Variants in KCNMA1 observed in about 807,000 individuals in gnomAD.
The protein encoded by KCNMA1 is potassium calcium-activated channel subfamily M alpha 1.
In KCNMA1, 29 loss-of-function variants were observed where a neutral mutation model predicts 140.0. The ratio of observed to expected loss-of-function variants is 0.21; its 90% CI spans 0.15 to 0.28. The LOEUF (loss-of-function observed/expected upper bound fraction) is 0.28, where lower values mean the gene tolerates loss of function less well. Ranked by LOEUF, KCNMA1 falls within the 10% of genes least tolerant of loss-of-function variation. The pLI is 1.00. For missense variants in KCNMA1, 880 were observed against 1,602.2 expected (o/e 0.55, Z 7.70); for synonymous variants, 612 against 611.9 (o/e 1.00, Z 0.00).
intron 1 of KCNMA1, among the ~76,000 whole-genome samples, chr10:77,597,935 G>T (rs1306815961): frequency 6.6e-6 from 1 of 152,116 alleles, no homozygotes; most frequent in African/African-American, 2.4e-5. Flanking sequence ...CTTATCATTG[G>T]CTGCATTCAC....
intron 1 of KCNMA1, among the ~76,000 whole-genome samples, chr10:77,556,094 T>A (rs35981703): frequency 0.16 from 23,764 of 152,148 alleles, 2,170 homozygotes; most frequent in Middle Eastern, 0.24. Flanking sequence ...TCCGGTCAGT[T>A]CCCCTTTCTG....
chr10:77,213,502 G>C (rs1598890368), intron 3 of KCNMA1, among the ~76,000 whole-genome samples: 1 of 152,206 alleles, frequency 6.6e-6, no homozygotes, highest in East Asian at 1.9e-4. Flanking sequence ...CTGCATGTCA[G>C]TTTTAAGTTT....
intron 1 of KCNMA1, among the ~76,000 whole-genome samples, chr10:77,496,836 C>T (rs991053471): frequency 1.3e-5 from 2 of 152,142 alleles, no homozygotes; most frequent in Admixed American, 1.3e-4. Flanking sequence ...CTGCTGTCAC[C>T]TGGCTGTCTT....
At chr10:77,215,367 C>CTGTTTTGTTTTGTTT (rs71028261) in intron 3 of KCNMA1, among the ~76,000 whole-genome samples, 76 of 147,582 alleles carry the variant, frequency 5.1e-4, no homozygotes, top group Non-Finnish European at 6.8e-4. Context: ...CAGATTGCAC[C>CTGTTTTGTTTTGTTT]TGTTTTGTTT....
At chr10:77,177,615 T>C (rs771217731) in intron 5 of KCNMA1, among the ~76,000 whole-genome samples, 5 of 151,976 alleles carry the variant, frequency 3.3e-5, no homozygotes, top group Non-Finnish European at 7.4e-5. Flanking sequence ...AAGGCCACTT[T>C]CTTCTCTAGG....
At chr10:76,982,713 CT>C (rs2079927766) in intron 19 of KCNMA1, among the ~76,000 whole-genome samples, 1 of 152,054 alleles carries the variant, frequency 6.6e-6, no homozygotes, top group Non-Finnish European at 1.5e-5. Context: ...AGCTATTTTT[CT>C]TCTGATTTAA....
chr10:77,409,519 C>T (rs117786514), intron 1 of KCNMA1, among the ~76,000 whole-genome samples: 4,213 of 152,306 alleles, frequency 0.028, 82 homozygotes, highest in Non-Finnish European at 0.038. Flanking sequence ...TCTGCTGCCC[C>T]AGCCTGGAAC....
intron 25 of KCNMA1, chr10:76,904,077 G>C (rs1590071567): frequency 6.6e-6 from 1 of 152,180 alleles, no homozygotes; most frequent in Non-Finnish European, 1.5e-5. Context: ...AATTACATGT[G>C]ATCTTAAGAA....
intron 1 of KCNMA1, among the ~76,000 whole-genome samples, chr10:77,572,115 G>A (rs1410301489): frequency 6.6e-6 from 1 of 152,158 alleles, no homozygotes; most frequent in African/African-American, 2.4e-5. Context: ...TACAAAGACT[G>A]TAGAGACATT....
intron 1 of KCNMA1, among the ~76,000 whole-genome samples, chr10:77,541,106 T>A (rs904131089): frequency 6.0e-5 from 9 of 150,772 alleles, no homozygotes; most frequent in Non-Finnish European, 1.2e-4. Context: ...TCCTTTAATA[T>A]AAGACAGGAA....
rs953651784 is a variant in KCNMA1, at chr10:77,018,725, A to G, written c.2015+288T>C. ...TCTTGTTATGTTGTTCTGAATCATC[A>G]GGAATCAGGATGACCTCGAGCAGTC... On this transcript the variant is annotated intron_variant, in intron 17 of 27. Transcript: ENST00000286628. 2.6e-5 allele frequency among the ~76,000 whole-genome samples: 4 copies of G among 152,222 alleles called. No homozygotes were observed. The East Asian group carries it at 7.7e-4, about 29-fold the overall frequency.
chr10:77,277,901 G>A lies in KCNMA1; in HGVS notation c.541-26645C>T, dbSNP rs558115731. On this transcript the variant is annotated intron_variant, in intron 2 of 27. Transcript: ENST00000286628. Reference sequence around the variant, plus strand: ...TGTTGGGACTTTTCAGTTTCTAAGAGTTCAAAGAAAAAAGAATGCTAGAGA... The same window carrying A: ...TGTTGGGACTTTTCAGTTTCTAAGAATTCAAAGAAAAAAGAATGCTAGAGA... 3.9e-5 allele frequency among the ~76,000 whole-genome samples: 6 copies of A among 152,254 alleles called. No individual in the cohort carries two copies. The East Asian group carries it at 9.7e-4, about 25-fold the overall frequency.
intron 24 of KCNMA1, chr10:76,912,523 T>A (rs954035249): frequency 6.6e-6 from 1 of 151,764 alleles, no homozygotes; most frequent in Non-Finnish European, 1.5e-5. Context: ...GAGAAATAGG[T>A]TTCAAGGCAG....
chr10:77,248,717 C>G (rs16934403), intron 3 of KCNMA1, among the ~76,000 whole-genome samples: 34,753 of 152,010 alleles, frequency 0.23, 4,365 homozygotes, highest in African/African-American at 0.31. Context: ...GATAGAACTT[C>G]ATTTTTTTTT....
At chr10:77,503,394 G>A (rs2044629741) in intron 1 of KCNMA1, among the ~76,000 whole-genome samples, 1 of 152,044 alleles carries the variant, frequency 6.6e-6, no homozygotes, top group Admixed American at 6.6e-5. Flanking sequence ...CAATGATTTG[G>A]AGAGACAGAT....
At position 76,949,286 on chromosome 10, in the gene KCNMA1, G is replaced by C; in HGVS notation, c.2565C>G (p.Ile855Met). Residue 855 changes from isoleucine (I) to methionine (M), a missense_variant, in exon 22 of 28, where the codon ATC (isoleucine) becomes ATG (methionine). Transcript: ENST00000286628. ...GCGGCATCACCAGGTTCCGGAGGCC[G>C]ATCAGGGCTGAGCTGACGTCGCCAA... ...CIFGDVSSALIGLRNLVMPLR... is the reference protein window; with the variant it reads ...CIFGDVSSALMGLRNLVMPLR... 1 of 1,614,094 alleles carries C rather than the reference G, an allele frequency of 6.2e-7. No individual in the cohort carries two copies. The highest frequency in any genetic ancestry group is 8.5e-7 in the Non-Finnish European group (1 of 1,180,020).
intron 2 of KCNMA1, among the ~76,000 whole-genome samples, chr10:77,283,984 G>A (rs75514116): frequency 0.017 from 2,629 of 152,248 alleles, 79 homozygotes; most frequent in African/African-American, 0.06. Flanking sequence ...CGTGTGCTGT[G>A]GGAAAGGGAT....
chr10:77,035,436 G>A (rs944065770), intron 15 of KCNMA1, among the ~76,000 whole-genome samples: 1 of 152,158 alleles, frequency 6.6e-6, no homozygotes, highest in Non-Finnish European at 1.5e-5. Flanking sequence ...TCTCTCTGAC[G>A]ATGGGTACTA....
intron 2 of KCNMA1, among the ~76,000 whole-genome samples, chr10:77,261,926 C>T (rs1250107145): frequency 1.3e-5 from 2 of 152,152 alleles, no homozygotes; most frequent in Non-Finnish European, 2.9e-5. Flanking sequence ...GTTTGGCCAA[C>T]TGGATTTTTA....
Sources: gnomAD v4.1 joint callset for allele counts (sites outside exome capture counted in the v4.1 genomes callset) on GRCh38, gnomAD v4.1.1 for gene constraint, MANE v1.5 for transcripts, NCBI Gene and HGNC (gene_info 2026-07-23, HGNC 2026-07-21) for gene names.